Variants in ITPRID1 observed in about 807,000 individuals in gnomAD.
ITPRID1 encodes ITPR interacting domain containing 1, also known as protein ITPRID1.
In ITPRID1, 96 loss-of-function variants were observed where a neutral mutation model predicts 95.4. The ratio of observed to expected loss-of-function variants is 1.01; its 90% CI spans 0.85 to 1.19. The LOEUF (loss-of-function observed/expected upper bound fraction) is 1.19, where lower values mean the gene tolerates loss of function less well. Among genes scored for constraint, ITPRID1 ranks in the 50% most tolerant of loss-of-function variants. The pLI, the probability that ITPRID1 is intolerant of heterozygous loss-of-function variation, is 0.00. For missense variants in ITPRID1, 1,339 were observed against 1,252.9 expected (o/e 1.07, Z -1.04); for synonymous variants, 510 against 453.6 (o/e 1.12, Z -1.58).
chr7:31,642,832 C>T lies in ITPRID1; in HGVS notation c.1462C>T (p.Gln488Ter). The change falls in exon 12 of 15, where the codon CAA becomes TAA. Residue 488 changes from glutamine to a stop codon, truncating the protein, a stop_gained. Transcript: ENST00000615280. LOFTEE classifies it high-confidence loss of function. ...TAGGGCGAGCATGTCTTTTTCAAGC[C>T]AAGAAGCGAATGCCTTGGAACAAAG... ...KSRASMSFSS[Q>*]EANALEQRAS... 1 of 1,613,822 alleles carries T rather than the reference C, an allele frequency of 6.2e-7. No individual in the cohort carries two copies. The highest frequency in any genetic ancestry group is 8.5e-7 in the Non-Finnish European group (1 of 1,179,810).
At chr7:31,624,335 C>G (rs1788228682) in intron 10 of ITPRID1, among the ~76,000 whole-genome samples, 1 of 147,746 alleles carries the variant, frequency 6.8e-6, no homozygotes, top group East Asian at 2.0e-4. Flanking sequence ...GCCAAAAGAA[C>G]ACAGCTGGAG....
Position 31,569,233 on chromosome 7 carries a change from T to C in ITPRID1, c.257-525T>C, listed in dbSNP as rs537223689. ...TAAGGCTGTTGGAAGGATTAGATGATACAAATGAAGGGAATATGCTTCATA... is the reference window on the plus strand; with the variant it reads ...TAAGGCTGTTGGAAGGATTAGATGACACAAATGAAGGGAATATGCTTCATA... On this transcript the variant is annotated intron_variant, in intron 5 of 14. Transcript: ENST00000615280. Among the ~76,000 whole-genome samples the C allele has an allele frequency of 7.2e-5, 11 of 152,314 alleles. No homozygotes were observed. In the South Asian group the frequency reaches 1.0e-3, roughly 14 times the overall value.
intron 10 of ITPRID1, among the ~76,000 whole-genome samples, chr7:31,588,996 G>A (rs1315985604): frequency 6.6e-6 from 1 of 151,914 alleles, no homozygotes; most frequent in African/African-American, 2.4e-5. Context: ...CAAGAAAAAT[G>A]GCAATTAATG....
chr7:31,553,481 G>T (rs970824207), intron 3 of ITPRID1, among the ~76,000 whole-genome samples: 2 of 152,158 alleles, frequency 1.3e-5, no homozygotes, highest in Non-Finnish European at 2.9e-5. Flanking sequence ...GCTGTGTGGG[G>T]TCTGGGCATG....
chr7:31,619,575 T>C (rs1345772352), intron 10 of ITPRID1, among the ~76,000 whole-genome samples: 3 of 151,976 alleles, frequency 2.0e-5, no homozygotes, highest in Non-Finnish European at 4.4e-5. Context: ...AAATCAATGG[T>C]CAAGTAAGTT....
At chr7:31,602,166 AT>A (rs371518798) in intron 10 of ITPRID1, among the ~76,000 whole-genome samples, 17 of 152,184 alleles carry the variant, frequency 1.1e-4, no homozygotes, top group South Asian at 2.1e-4. Flanking sequence ...AAATATTACA[AT>A]TTTTTTATTA....
At chr7:31,651,914 GTTA>G in intron 13 of ITPRID1, 22 bp from the exon 14 acceptor site, 1 of 1,525,278 alleles carries the variant, frequency 6.6e-7, no homozygotes, top group Non-Finnish European at 8.9e-7. Flanking sequence ...GTTAAATTTG[GTTA>G]TTTTCTATTA....
rs573802383 is a variant in ITPRID1 at position 31,655,837 on chromosome 7, C to T, written c.*3008C>T. The T allele has an allele frequency of 6.0e-5, 59 of 985,450 alleles. No homozygotes were observed. Among genetic ancestry groups the T allele is most frequent in the Non-Finnish European group, 6.5e-5 (54 of 830,006 alleles). The allele number at this position is 985,450 out of a possible 1,614,324, so 61.0% of individuals were successfully genotyped here. A position where few individuals can be genotyped will look rare whatever the true frequency, so the allele number is the denominator to read the frequency against. On this transcript the variant is annotated 3_prime_UTR_variant, in exon 15 of 15. Transcript: ENST00000615280. ...TAGACTCCGAGCTCTCCTGCAGTTTCTTCCTTGCTCCTTCCCTGTAACGCC... is the reference window on the plus strand; with the variant it reads ...TAGACTCCGAGCTCTCCTGCAGTTTTTTCCTTGCTCCTTCCCTGTAACGCC...
At chr7:31,529,278 C>T (rs548172052) in intron 1 of ITPRID1, among the ~76,000 whole-genome samples, 6 of 152,156 alleles carry the variant, frequency 3.9e-5, no homozygotes, top group Non-Finnish European at 8.8e-5. Context: ...GTTTGCAATG[C>T]AAATCATTGG....
intron 10 of ITPRID1, among the ~76,000 whole-genome samples, chr7:31,616,231 C>T (rs961586067): frequency 6.6e-6 from 1 of 151,966 alleles, no homozygotes; most frequent in Non-Finnish European, 1.5e-5. Flanking sequence ...TTTAATCGTG[C>T]CTCTTTTTGA....
chr7:31,584,034 T>A (rs576559567), intron 10 of ITPRID1, among the ~76,000 whole-genome samples: 1 of 152,194 alleles, frequency 6.6e-6, no homozygotes. Context: ...AGAATGATGC[T>A]TTATCATCCT....
At chr7:31,628,683 C>G (rs1788712803) in intron 10 of ITPRID1, among the ~76,000 whole-genome samples, 1 of 152,040 alleles carries the variant, frequency 6.6e-6, no homozygotes, top group Non-Finnish European at 1.5e-5. Flanking sequence ...GTCTCAATCT[C>G]CTGACCTTGT....
chr7:31,602,019 C>A (rs1287483733), intron 10 of ITPRID1, among the ~76,000 whole-genome samples: 1 of 152,038 alleles, frequency 6.6e-6, no homozygotes, highest in East Asian at 1.9e-4. Context: ...TGTTTAACTG[C>A]AGCAGGCTTT....
intron 1 of ITPRID1, among the ~76,000 whole-genome samples, chr7:31,530,014 G>T (rs1783545364): frequency 6.6e-6 from 1 of 152,052 alleles, no homozygotes; most frequent in African/African-American, 2.4e-5. Flanking sequence ...AAGATGAAGT[G>T]ATCTAATTGT....
At chr7:31,577,737 C>T in intron 8 of ITPRID1, 126 bp from the exon 9 acceptor site, 1 of 732,228 alleles carries the variant, frequency 1.4e-6, no homozygotes, top group Non-Finnish European at 2.2e-6. Context: ...ACTTGAGTTT[C>T]AAGAGCCTAA....
chr7:31,548,341 A>G (rs1240007714), intron 1 of ITPRID1, among the ~76,000 whole-genome samples: 1 of 152,166 alleles, frequency 6.6e-6, no homozygotes, highest in Non-Finnish European at 1.5e-5. Context: ...TGATGACTAC[A>G]TAGTCTGATG....
At position 31,583,310 on chromosome 7, in the gene ITPRID1, A is replaced by T. The variant is rs762675776; in HGVS notation, c.1228+119A>T. On this transcript the variant is annotated intron_variant, in intron 10 of 14. Coordinates refer to ENST00000615280, the MANE Select transcript of ITPRID1 (RefSeq NM_001257967.3). ...TATCTCTAGAAGGTACTCTAAATTCATGCATCTTCTGAGATATTAAAAGCC... is the reference window on the plus strand; with the variant it reads ...TATCTCTAGAAGGTACTCTAAATTCTTGCATCTTCTGAGATATTAAAAGCC... 3.8e-5 allele frequency: 25 copies of T among 665,476 alleles called. 1 individual carries two copies. Among genetic ancestry groups the T allele is most frequent in the Non-Finnish European group, 6.0e-5 (24 of 398,830 alleles). The allele number at this position is 665,476 out of a possible 1,614,324, so 41.2% of individuals were successfully genotyped here. A position where few individuals can be genotyped will look rare whatever the true frequency, so the allele number is the denominator to read the frequency against.
chr7:31,625,337 G>T (rs1410109534), intron 10 of ITPRID1, among the ~76,000 whole-genome samples: 1 of 151,902 alleles, frequency 6.6e-6, no homozygotes, highest in Non-Finnish European at 1.5e-5. Context: ...GTTTATTGCG[G>T]CACTATTCAC....
intron 10 of ITPRID1, among the ~76,000 whole-genome samples, chr7:31,627,611 G>A (rs1195465647): frequency 7.5e-6 from 1 of 132,648 alleles, no homozygotes; most frequent in Non-Finnish European, 1.5e-5. Flanking sequence ...AGTAAGCTGC[G>A]ATCATGCCAC....
Sources: allele counts gnomAD v4.1 joint callset (sites outside exome capture counted in the v4.1 genomes callset), GRCh38; gene constraint gnomAD v4.1.1; transcripts MANE v1.5; gene names NCBI Gene and HGNC (gene_info 2026-07-23, HGNC 2026-07-21).